NR3C2: variants seen among roughly 807,000 people sequenced by gnomAD.
The protein encoded by NR3C2 is mineralocorticoid receptor.
NR3C2 carries 15 observed loss-of-function variants against 86.4 expected under a neutral mutation model. The observed-to-expected ratio is 0.17, with a 90% confidence interval of 0.12 to 0.27. The LOEUF (loss-of-function observed/expected upper bound fraction) is 0.27. Among genes scored for constraint, NR3C2 ranks in the 10% least tolerant of loss-of-function variants. The pLI, the probability that NR3C2 is intolerant of heterozygous loss-of-function variation, is 1.00. For missense variants in NR3C2, 960 were observed against 1,195.6 expected (o/e 0.80, Z 2.91); for synonymous variants, 458 against 450.5 (o/e 1.02, Z -0.21).
chr4:148,322,391 C>T (rs1346304893), intron 2 of NR3C2, among the ~76,000 whole-genome samples: 8 of 127,392 alleles, frequency 6.3e-5, no homozygotes, highest in East Asian at 2.2e-4. Context: ...ATCTTTGTGG[C>T]GTTCTCTGTA....
chr4:148,423,542 A>G (rs1219038969), intron 2 of NR3C2, among the ~76,000 whole-genome samples: 1 of 152,120 alleles, frequency 6.6e-6, no homozygotes, highest in Non-Finnish European at 1.5e-5. Context: ...CCATCACACA[A>G]TCAAACACAT....
At chr4:148,314,530 TTGAG>T (rs1466693761) in intron 2 of NR3C2, among the ~76,000 whole-genome samples, 2 of 152,146 alleles carry the variant, frequency 1.3e-5, no homozygotes, top group Non-Finnish European at 2.9e-5. Flanking sequence ...GTAATGAAAA[TTGAG>T]TAAGTGAAGC....
intron 3 of NR3C2, among the ~76,000 whole-genome samples, chr4:148,213,783 C>T (rs1395027312): frequency 6.6e-6 from 1 of 152,168 alleles, no homozygotes; most frequent in African/African-American, 2.4e-5. Flanking sequence ...CTGTTTCATC[C>T]AGTAAAGCCA....
In NR3C2 at chr4:148,171,776, G is replaced by A. The variant is rs141686763; in HGVS notation, c.2015-16875C>T. 4.2e-4 allele frequency among the ~76,000 whole-genome samples: 64 copies of A among 152,180 alleles called. 1 individual carries two copies. The highest frequency in any genetic ancestry group is 1.3e-3 in the African/African-American group (53 of 41,488). ...GAAGGCTTCTCTATTTCCCAGAGGT[G>A]GAGCTACACCACTGTCTTTGTGTTC... On this transcript the variant is annotated intron_variant, in intron 4 of 8. Coordinates refer to ENST00000358102, the MANE Select transcript of NR3C2 (RefSeq NM_000901.5).
intron 8 of NR3C2, 52 bp from the exon 9 acceptor site, chr4:148,081,551 G>T (rs1177423854): frequency 6.2e-7 from 1 of 1,612,130 alleles, no homozygotes; most frequent in African/African-American, 1.3e-5. Flanking sequence ...TCCGACCCTG[G>T]ATCCCTCTGC....
At chr4:148,133,189 GTC>G (rs1466497165) in intron 6 of NR3C2, among the ~76,000 whole-genome samples, 1 of 134,948 alleles carries the variant, frequency 7.4e-6, no homozygotes, top group East Asian at 2.1e-4. Context: ...GTAAGAACCT[GTC>G]TCAAAAAAAA....
At chr4:148,360,963 C>T (rs1023838157) in intron 2 of NR3C2, among the ~76,000 whole-genome samples, 1 of 152,170 alleles carries the variant, frequency 6.6e-6, no homozygotes, top group South Asian at 2.1e-4. Flanking sequence ...ACTGCCTCCT[C>T]AGGATGCCAC....
At chr4:148,219,057 C>T (rs1320317270) in intron 3 of NR3C2, among the ~76,000 whole-genome samples, 1 of 152,196 alleles carries the variant, frequency 6.6e-6, no homozygotes, top group Non-Finnish European at 1.5e-5. Context: ...ATGCTGGCTA[C>T]ACCATTTTAC....
At chr4:148,426,003 A>G (rs1329703151) in intron 2 of NR3C2, among the ~76,000 whole-genome samples, 1 of 152,010 alleles carries the variant, frequency 6.6e-6, no homozygotes, top group African/African-American at 2.4e-5. Context: ...CTGCCTCATC[A>G]ATCCTCTTGT....
At chr4:148,117,413 T>G (rs1732319902) in intron 7 of NR3C2, among the ~76,000 whole-genome samples, 1 of 152,104 alleles carries the variant, frequency 6.6e-6, no homozygotes, top group Middle Eastern at 3.2e-3. Context: ...CACCTGCCAT[T>G]GCCTGCCTTT....
intron 6 of NR3C2, among the ~76,000 whole-genome samples, chr4:148,131,591 C>T (rs1733048011): frequency 6.6e-6 from 1 of 152,124 alleles, no homozygotes; most frequent in Non-Finnish European, 1.5e-5. Context: ...GCAGTTCTGA[C>T]ACCTGTTCAT....
intron 2 of NR3C2, among the ~76,000 whole-genome samples, chr4:148,375,189 C>T (rs1400712409): frequency 6.6e-6 from 1 of 152,178 alleles, no homozygotes; most frequent in Admixed American, 6.5e-5. Flanking sequence ...GATGCAGTGG[C>T]TCACGCCTGT....
chr4:148,382,173 T>A (rs1283409070), intron 2 of NR3C2, among the ~76,000 whole-genome samples: 1 of 151,870 alleles, frequency 6.6e-6, no homozygotes, highest in Non-Finnish European at 1.5e-5. Context: ...AAGTTAAGAG[T>A]CAAGTCAAAG....
At chr4:148,411,026 C>A (rs185812176) in intron 2 of NR3C2, among the ~76,000 whole-genome samples, 103 of 152,242 alleles carry the variant, frequency 6.8e-4, no homozygotes, top group African/African-American at 2.4e-3. Context: ...ATTTGGGAGA[C>A]CTAAATTGCA....
At chr4:148,383,041 A>T (rs1425952342) in intron 2 of NR3C2, among the ~76,000 whole-genome samples, 4 of 152,218 alleles carry the variant, frequency 2.6e-5, no homozygotes, top group African/African-American at 9.6e-5. Context: ...CTTAGTGTAA[A>T]TAAGTCCTAT....
intron 8 of NR3C2, among the ~76,000 whole-genome samples, chr4:148,093,204 C>G (rs1042837872): frequency 2.6e-5 from 4 of 152,246 alleles, no homozygotes; most frequent in Admixed American, 2.6e-4. Context: ...TGGCACTTGG[C>G]TCGCTCTGAC....
At chr4:148,256,348 T>A (rs892458611) in intron 3 of NR3C2, among the ~76,000 whole-genome samples, 2 of 152,172 alleles carry the variant, frequency 1.3e-5, no homozygotes, top group Non-Finnish European at 2.9e-5. Context: ...AACAACTCAA[T>A]GTGGTTGTAT....
chr4:148,412,223 G>A (rs948499151), intron 2 of NR3C2, among the ~76,000 whole-genome samples: 7 of 152,086 alleles, frequency 4.6e-5, no homozygotes, highest in Admixed American at 3.3e-4. Flanking sequence ...CACAACCTCC[G>A]CTGCAGACAT....
chr4:148,224,468 C>T (rs79789823), intron 3 of NR3C2, among the ~76,000 whole-genome samples: 1 of 152,224 alleles, frequency 6.6e-6, no homozygotes. Flanking sequence ...GAATGTTTCT[C>T]TCCAGTTAGA....
Sources: allele counts gnomAD v4.1 joint callset (sites outside exome capture counted in the v4.1 genomes callset), GRCh38; gene constraint gnomAD v4.1.1; transcripts MANE v1.5; gene names NCBI Gene and HGNC (gene_info 2026-07-23, HGNC 2026-07-21).